The following PDGFC variants were observed in gnomAD, a reference collection of about 807,000 sequenced individuals.
The protein encoded by PDGFC is platelet-derived growth factor C.
In PDGFC, 12 loss-of-function variants were observed where a neutral mutation model predicts 35.5. The observed-to-expected ratio is 0.34, with a 90% CI of 0.22 to 0.55. The LOEUF is 0.55. Ranked by LOEUF, PDGFC falls within the 20% of genes least tolerant of loss-of-function variation. The pLI is 0.91. For synonymous variants in PDGFC, 159 were observed against 148.8 expected (o/e 1.07, Z -0.50); for missense variants, 322 against 412.4 (o/e 0.78, Z 1.90).
At chr4:156,905,936 C>G (rs141148523) in intron 1 of PDGFC, among the ~76,000 whole-genome samples, 3 of 151,658 alleles carry the variant, frequency 2.0e-5, no homozygotes, top group Non-Finnish European at 4.4e-5. Context: ...GCTCTGCTTA[C>G]AAGCCTGTTA....
intron 1 of PDGFC, among the ~76,000 whole-genome samples, chr4:156,882,847 G>T (rs890011171): frequency 2.6e-5 from 4 of 152,120 alleles, no homozygotes; most frequent in Non-Finnish European, 5.9e-5. Context: ...CACTTTGGGA[G>T]GCCAAGGCAG....
chr4:156,937,986 A>T (rs1731722877), intron 1 of PDGFC, among the ~76,000 whole-genome samples: 1 of 152,160 alleles, frequency 6.6e-6, no homozygotes, highest in Non-Finnish European at 1.5e-5. Flanking sequence ...ATACATTTAC[A>T]ACCTACTAAA....
chr4:156,861,621 G>A (rs574821417), intron 1 of PDGFC: 2 of 318,898 alleles, frequency 6.3e-6, no homozygotes, highest in Non-Finnish European at 1.3e-5. Flanking sequence ...ACATAAGCTT[G>A]TAAAAATGAC....
intron 2 of PDGFC, among the ~76,000 whole-genome samples, chr4:156,846,138 A>T (rs913405771): frequency 6.6e-6 from 1 of 151,766 alleles, no homozygotes; most frequent in Non-Finnish European, 1.5e-5. Flanking sequence ...AATGGATGCT[A>T]AAAAAATTGG....
intron 1 of PDGFC, among the ~76,000 whole-genome samples, chr4:156,960,062 C>A (rs1300347544): frequency 6.6e-6 from 1 of 151,766 alleles, no homozygotes; most frequent in Non-Finnish European, 1.5e-5. Context: ...AGATTAAAAA[C>A]CACTTTTTAA....
At position 156,781,926 on chromosome 4, in the gene PDGFC, C is replaced by T. The variant is rs1222203137; in HGVS notation, c.496-9033G>A. 5.9e-5 allele frequency among the ~76,000 whole-genome samples: 9 copies of T among 152,148 alleles called. No homozygotes were observed. In the East Asian group the frequency reaches 9.7e-4, roughly 16 times the overall value. Reference sequence around the variant, plus strand: ...TATATATTTAATTACCCAAGTTGTACCAAGTTTAGCAAAGATAAATAATTA... The same window carrying T: ...TATATATTTAATTACCCAAGTTGTATCAAGTTTAGCAAAGATAAATAATTA... On this transcript the variant is annotated intron_variant, in intron 3 of 5. Coordinates refer to ENST00000502773, the MANE Select transcript of PDGFC (RefSeq NM_016205.3).
chr4:156,827,428 AAAT>A (rs201902391), intron 2 of PDGFC, among the ~76,000 whole-genome samples: 3,378 of 151,780 alleles, frequency 0.022, 123 homozygotes, highest in African/African-American at 0.077. Context: ...AAAAAAAAAA[AAAT>A]AACAGATTGA....
intron 1 of PDGFC, among the ~76,000 whole-genome samples, chr4:156,860,042 T>C (rs562661206): frequency 6.6e-6 from 1 of 152,300 alleles, no homozygotes; most frequent in South Asian, 2.1e-4. Context: ...GGGACAGTGG[T>C]ACTAAAAGAG....
At chr4:156,837,750 A>C (rs1294182510) in intron 2 of PDGFC, among the ~76,000 whole-genome samples, 1 of 152,200 alleles carries the variant, frequency 6.6e-6, no homozygotes, top group Non-Finnish European at 1.5e-5. Flanking sequence ...TGACAATAGA[A>C]GAGGAGAGGA....
intron 2 of PDGFC, among the ~76,000 whole-genome samples, chr4:156,818,646 G>C (rs1016820209): frequency 2.7e-5 from 4 of 146,222 alleles, no homozygotes; most frequent in Non-Finnish European, 6.0e-5. Context: ...TCAGCCTCCC[G>C]AGTAGCTGGG....
chr4:156,893,919 T>C (rs1730573369), intron 1 of PDGFC, among the ~76,000 whole-genome samples: 2 of 152,214 alleles, frequency 1.3e-5, no homozygotes, highest in African/African-American at 2.4e-5. Context: ...TTCTCTTTAT[T>C]AGTTTTCTTC....
intron 1 of PDGFC, among the ~76,000 whole-genome samples, chr4:156,855,584 T>G (rs1014803332): frequency 1.3e-5 from 2 of 152,176 alleles, no homozygotes; most frequent in African/African-American, 4.8e-5. Flanking sequence ...ATATGTGTTA[T>G]TTTCAAACTA....
At chr4:156,765,972 G>A (rs1730515145) in intron 5 of PDGFC, among the ~76,000 whole-genome samples, 1 of 152,132 alleles carries the variant, frequency 6.6e-6, no homozygotes, top group Non-Finnish European at 1.5e-5. Context: ...CCTTATAGAT[G>A]AGGAATTTAG....
Position 156,842,681 on chromosome 4 carries a change from AC to A in PDGFC, c.314+7539del, listed in dbSNP as rs959593854. On this transcript the variant is annotated intron_variant, in intron 2 of 5. Coordinates refer to ENST00000502773, the MANE Select transcript of PDGFC (RefSeq NM_016205.3). ...TGATCCTCTCTACCATTACACACCC[AC>A]CACTTACCACACCTCCAAGGCATCT... Among the ~76,000 whole-genome samples, 39 of 152,180 alleles carry A rather than the reference AC, an allele frequency of 2.6e-4. 1 individual carries two copies. The highest frequency in any genetic ancestry group is 9.4e-4 in the African/African-American group (39 of 41,532).
At chr4:156,916,416 A>C (rs1358502161) in intron 1 of PDGFC, among the ~76,000 whole-genome samples, 1 of 152,148 alleles carries the variant, frequency 6.6e-6, no homozygotes, top group Non-Finnish European at 1.5e-5. Context: ...CTCACTTCTA[A>C]CAAGACCTTC....
At chr4:156,799,783 C>A (rs1408914260) in intron 3 of PDGFC, among the ~76,000 whole-genome samples, 1 of 152,062 alleles carries the variant, frequency 6.6e-6, no homozygotes, top group Non-Finnish European at 1.5e-5. Context: ...TTCTTAGACT[C>A]CAGGTGACAT....
intron 4 of PDGFC, among the ~76,000 whole-genome samples, chr4:156,771,303 G>T (rs2110811634): frequency 1.3e-5 from 2 of 152,252 alleles, no homozygotes; most frequent in African/African-American, 4.8e-5. Flanking sequence ...TCTCAGTTTA[G>T]AACCTGATTC....
intron 1 of PDGFC, among the ~76,000 whole-genome samples, chr4:156,904,213 T>A (rs982603226): frequency 6.6e-6 from 1 of 152,032 alleles, no homozygotes; most frequent in African/African-American, 2.4e-5. Context: ...TCAACTGACT[T>A]GGATTTTCAT....
At chr4:156,930,827 C>T (rs779365411) in intron 1 of PDGFC, among the ~76,000 whole-genome samples, 2 of 152,056 alleles carry the variant, frequency 1.3e-5, no homozygotes, top group Non-Finnish European at 2.9e-5. Flanking sequence ...CAAGATCATG[C>T]CATTGCACTC....
Sources: allele counts gnomAD v4.1 joint callset (sites outside exome capture counted in the v4.1 genomes callset), GRCh38; gene constraint gnomAD v4.1.1; transcripts MANE v1.5; gene names NCBI Gene and HGNC (gene_info 2026-07-23, HGNC 2026-07-21).